Variants in OTOGL observed in about 807,000 individuals in gnomAD.
OTOGL encodes the protein otogelin like, also known as otogelin-like protein.
In OTOGL, 285 loss-of-function variants were observed where a neutral mutation model predicts 318.5. The observed-to-expected ratio is 0.89, with a 90% CI of 0.81 to 0.99. The LOEUF (loss-of-function observed/expected upper bound fraction) is 0.99. OTOGL is among the 50% of genes least tolerant of loss of function. The pLI is 0.00. For synonymous variants in OTOGL, 987 were observed against 936.5 expected (o/e 1.05, Z -0.99); for missense variants, 2,899 against 2,845.6 (o/e 1.02, Z -0.43).
At position 80,339,240 on chromosome 12, in the gene OTOGL, T is replaced by A. The variant is rs766074312; in HGVS notation, c.5026T>A (p.Ser1676Thr). 6.8e-6 allele frequency: 11 copies of A among 1,605,922 alleles called. No individual in the cohort carries two copies. The highest frequency in any genetic ancestry group is 1.6e-4 in the Middle Eastern group (1 of 6,062). The change falls in exon 43 of 59, where the codon TCA becomes ACA. Residue 1676 changes from serine to threonine, a missense_variant. Physicochemically the swap from Ser to Thr is moderately conservative, Grantham distance 58. Coordinates refer to ENST00000547103, the MANE Select transcript of OTOGL (RefSeq NM_001378609.3). ...DIHFGFRFNL[S>T]SYTEGLCGIC... ...TCATTTTGGCTTCCGATTTAACTTG[T>A]CATCCTACACAGAAGGACTCTGTGG...
intron 1 of OTOGL, among the ~76,000 whole-genome samples, chr12:80,128,737 T>C (rs1433188107): frequency 1.3e-5 from 2 of 152,206 alleles, no homozygotes; most frequent in African/African-American, 4.8e-5. Context: ...GCTTTGGCAA[T>C]GTCGGGCACC....
chr12:80,197,167 C>A (rs1876132735), intron 1 of OTOGL, among the ~76,000 whole-genome samples: 1 of 152,176 alleles, frequency 6.6e-6, no homozygotes. Flanking sequence ...GGTAGCCCGC[C>A]ATTTCAAGTT....
intron 1 of OTOGL, among the ~76,000 whole-genome samples, chr12:80,161,868 A>C (rs1873538677): frequency 6.6e-6 from 1 of 152,168 alleles, no homozygotes; most frequent in East Asian, 1.9e-4. Context: ...AGCGTTTCCA[A>C]GTATGTTCTT....
In OTOGL at chr12:80,170,685, C is replaced by T. The variant is rs529288390; in HGVS notation, c.-19-38728C>T. 2.1e-3 allele frequency among the ~76,000 whole-genome samples: 326 copies of T among 152,178 alleles called. 1 individual carries two copies. The highest frequency in any genetic ancestry group is 3.9e-3 in the Non-Finnish European group (265 of 67,986). ...TTGACCTCAGGTGATCTTCCCGCCT[C>T]GGCCTCCCAAAGCGCAGGGATTACA... is the stretch of plus-strand genomic sequence containing the variant. On this transcript the variant is annotated intron_variant, in intron 1 of 58. Coordinates refer to ENST00000547103, the MANE Select transcript of OTOGL (RefSeq NM_001378609.3).
chr12:80,312,092 C>G (rs543304636), intron 30 of OTOGL, among the ~76,000 whole-genome samples: 1 of 152,184 alleles, frequency 6.6e-6, no homozygotes. Context: ...TTAGATTTCA[C>G]ATTGCAAAGA....
intron 1 of OTOGL, among the ~76,000 whole-genome samples, chr12:80,127,410 C>T (rs150758478): frequency 0.031 from 4,734 of 152,286 alleles, 252 homozygotes; most frequent in African/African-American, 0.11. Context: ...CCGAGAGATC[C>T]GCTGTTAGTC....
At chr12:80,263,830 T>C (rs927715606) in intron 19 of OTOGL, among the ~76,000 whole-genome samples, 2 of 152,138 alleles carry the variant, frequency 1.3e-5, no homozygotes. Context: ...CTTAACTTAA[T>C]GTCAGTGGGA....
chr12:80,357,533 G>A (rs1342729447), intron 49 of OTOGL, among the ~76,000 whole-genome samples: 1 of 152,112 alleles, frequency 6.6e-6, no homozygotes, highest in Non-Finnish European at 1.5e-5. Context: ...AAAACTGATG[G>A]ATTCTGGCTA....
At chr12:80,179,759 T>G (rs1345554654) in intron 1 of OTOGL, among the ~76,000 whole-genome samples, 1 of 152,180 alleles carries the variant, frequency 6.6e-6, no homozygotes, top group African/African-American at 2.4e-5. Context: ...CTTGGACAAT[T>G]TTGCCTGTCC....
chr12:80,148,209 A>C (rs1311957106), intron 1 of OTOGL, among the ~76,000 whole-genome samples: 1 of 150,922 alleles, frequency 6.6e-6, no homozygotes, highest in Non-Finnish European at 1.5e-5. Flanking sequence ...TCCTGTCCAC[A>C]TTTAGTGCTT....
rs12579979 is a variant in OTOGL, at chr12:80,354,904, A to G, written c.5594-832A>G. Reference sequence around the variant, plus strand: ...TTTACTTAAAAGTAATAGTCACTACATAATATTTTGCCTGATTGCCTACTT... The same window carrying G: ...TTTACTTAAAAGTAATAGTCACTACGTAATATTTTGCCTGATTGCCTACTT... On this transcript the variant is annotated intron_variant, in intron 46 of 58. Coordinates refer to ENST00000547103, the MANE Select transcript of OTOGL (RefSeq NM_001378609.3). Among the ~76,000 whole-genome samples, 63 of 152,334 alleles carry G rather than the reference A, an allele frequency of 4.1e-4. No homozygotes were observed. In the East Asian group the frequency reaches 9.6e-3, roughly 23 times the overall value.
At chr12:80,214,275 G>A (rs965306224) in intron 4 of OTOGL, among the ~76,000 whole-genome samples, 10 of 152,234 alleles carry the variant, frequency 6.6e-5, no homozygotes, top group Non-Finnish European at 1.5e-4. Context: ...GTGAAGAAGG[G>A]AGAAAATAAA....
In OTOGL at chr12:80,219,724, TA is replaced by T. The variant is rs1441789742; in HGVS notation, c.236-89del. The T allele has an allele frequency of 1.8e-5, 15 of 832,948 alleles. No individual in the cohort carries two copies. In the African/African-American group the frequency reaches 2.2e-4, roughly 12 times the overall value. The allele number at this position is 832,948 out of a possible 1,614,324, so 51.6% of individuals were successfully genotyped here. On this transcript the variant is annotated intron_variant, in intron 5 of 58. Transcript: ENST00000547103. The stretch of plus-strand genomic sequence containing the variant: ...GAGTTCTGTTTAAGTTAATAGTGAT[TA>T]CAATTTGTCCAAGCTATATCTTGAC...
Position 80,256,869 on chromosome 12 carries a change from TG to T in OTOGL, c.1711+410del, listed in dbSNP as rs376365813. On this transcript the variant is annotated intron_variant, in intron 17 of 58. Coordinates refer to ENST00000547103, the MANE Select transcript of OTOGL (RefSeq NM_001378609.3). ...GATTGTCTCATTGAGCATTTAAGGATGAGGAATTGCTGGGTTGAAGGGGATG... is the reference window on the plus strand; with the variant it reads ...GATTGTCTCATTGAGCATTTAAGGATAGGAATTGCTGGGTTGAAGGGGATG... Among the ~76,000 whole-genome samples the T allele has an allele frequency of 3.4e-4, 52 of 152,094 alleles. No individual in the cohort carries two copies. In the South Asian group the frequency reaches 4.4e-3, roughly 13 times the overall value.
At chr12:80,232,843 A>G (rs1163152442) in intron 8 of OTOGL, 49 bp from the exon 9 acceptor site, 8 of 1,454,046 alleles carry the variant, frequency 5.5e-6, no homozygotes, top group Non-Finnish European at 6.6e-6. Flanking sequence ...GTCATCTGTA[A>G]TTGAGACTTT....
intron 27 of OTOGL, among the ~76,000 whole-genome samples, chr12:80,299,918 G>A (rs1885649571): frequency 6.6e-6 from 1 of 152,112 alleles, no homozygotes; most frequent in African/African-American, 2.4e-5. Flanking sequence ...GGATTTTCTT[G>A]TAGTAAACTG....
intron 7 of OTOGL, among the ~76,000 whole-genome samples, chr12:80,225,266 G>T (rs1055228266): frequency 1.3e-5 from 2 of 150,784 alleles, no homozygotes; most frequent in African/African-American, 4.9e-5. Context: ...TTTCTCACTT[G>T]AATACCCTTT....
intron 1 of OTOGL, among the ~76,000 whole-genome samples, chr12:80,141,371 A>G (rs1271553778): frequency 1.3e-5 from 2 of 152,272 alleles, no homozygotes; most frequent in East Asian, 3.9e-4. Context: ...TTTTTCAACC[A>G]TCAAGATATA....
At chr12:80,274,034 GGT>G (rs1272890358) in intron 24 of OTOGL, among the ~76,000 whole-genome samples, 1 of 151,790 alleles carries the variant, frequency 6.6e-6, no homozygotes, top group Non-Finnish European at 1.5e-5. Flanking sequence ...GCTCTTCTCA[GGT>G]CTCTCTATTC....
Sources: allele counts gnomAD v4.1 joint callset (sites outside exome capture counted in the v4.1 genomes callset), GRCh38; gene constraint gnomAD v4.1.1; transcripts MANE v1.5; gene names NCBI Gene and HGNC (gene_info 2026-07-23, HGNC 2026-07-21).